The following CCNT2 variants were observed in gnomAD, a reference collection of about 807,000 sequenced individuals.
CCNT2 encodes the protein cyclin T2.
Under a neutral mutation model 70.0 loss-of-function variants are expected in CCNT2, and 18 were observed. The observed-to-expected ratio is 0.26, with a 90% CI of 0.18 to 0.38. The LOEUF (loss-of-function observed/expected upper bound fraction) is 0.38, where lower values mean the gene tolerates loss of function less well. Ranked by LOEUF, CCNT2 falls within the 10% of genes least tolerant of loss-of-function variation. The pLI is 1.00. For synonymous variants in CCNT2, 334 were observed against 313.3 expected (o/e 1.07, Z -0.70); for missense variants, 734 against 890.2 (o/e 0.82, Z 2.23).
chr2:134,954,474 A>T lies in CCNT2; in HGVS notation c.2019A>T (p.Thr673=). ...CCTTACCCCCTCCTCCCCCTGTCAC[A>T]TACCAGGTGGGCTACGGACATCTCA... ...NHPLPPPPPV[T]YQVGYGHLST... Residue 673 remains threonine (T), a synonymous_variant, in exon 9 of 9, where the codon ACA becomes ACT. Transcript: ENST00000264157. 6.2e-7 allele frequency: 1 copy of T among 1,614,120 alleles called. No individual in the cohort carries two copies. The highest frequency in any genetic ancestry group is 8.5e-7 in the Non-Finnish European group (1 of 1,180,010).
chr2:134,954,680 T>A lies in CCNT2; in HGVS notation c.*32T>A. 1 of 1,452,692 alleles carries A rather than the reference T, an allele frequency of 6.9e-7. No homozygotes were observed. The highest frequency in any genetic ancestry group is 9.5e-7 in the Non-Finnish European group (1 of 1,047,912). 90.0% of individuals were successfully genotyped at this position (1,452,692 alleles called of 1,614,324 possible). ...GTTTAGGTCAATTTTTCCTTTACTT[T>A]TTTAATTTAAAAATTGTTAGAATGG... is the stretch of plus-strand genomic sequence containing the variant. On this transcript the variant is annotated 3_prime_UTR_variant, in exon 9 of 9. Transcript: ENST00000264157.
At chr2:134,952,360 T>C (rs1326918672) in intron 7 of CCNT2, among the ~76,000 whole-genome samples, 1 of 102,574 alleles carries the variant, frequency 9.7e-6, no homozygotes, top group African/African-American at 4.3e-5. Context: ...TAATGAAGAT[T>C]TTTTTTTTAT....
rs1328873284 is a variant in CCNT2 at position 134,957,902 on chromosome 2, A to G, written c.*3254A>G. 1 of 152,168 alleles carries G rather than the reference A, an allele frequency of 6.6e-6. No homozygotes were observed. The highest frequency in any genetic ancestry group is 1.5e-5 in the Non-Finnish European group (1 of 68,022). 9.4% of individuals were successfully genotyped at this position (152,168 alleles called of 1,614,324 possible). On this transcript the variant is annotated 3_prime_UTR_variant, in exon 9 of 9. Coordinates refer to ENST00000264157, the MANE Select transcript of CCNT2 (RefSeq NM_058241.3). The stretch of plus-strand genomic sequence containing the variant: ...TAGCAACAGATTGTATTAATAATTA[A>G]TAGAATACCTAATTTTTTTGGCCTA...
At chr2:134,929,233 G>A (rs1016634460) in intron 2 of CCNT2, among the ~76,000 whole-genome samples, 18 of 152,258 alleles carry the variant, frequency 1.2e-4, no homozygotes, top group Non-Finnish European at 1.8e-4. Context: ...GATGCATATT[G>A]TTTATTAGTA....
intron 1 of CCNT2, 68 bp downstream of exon 1, chr2:134,919,080 G>C: frequency 6.7e-7 from 1 of 1,492,888 alleles, no homozygotes. Flanking sequence ...CTGGTGCCCC[G>C]CGAACATGGC....
At chr2:134,942,534 A>G (rs754143154) in intron 4 of CCNT2, 78 bp from the exon 5 acceptor site, 8 of 884,456 alleles carry the variant, frequency 9.0e-6, no homozygotes, top group Non-Finnish European at 1.4e-5. Flanking sequence ...AATGAAGAAT[A>G]TATTATACGT....
chr2:134,939,098 T>C, intron 4 of CCNT2, 36 bp downstream of exon 4: 1 of 1,316,856 alleles, frequency 7.6e-7, no homozygotes, highest in Non-Finnish European at 1.1e-6. Context: ...TTTTTGTGTG[T>C]ATTTCACTAA....
intron 1 of CCNT2, 55 bp from the exon 2 acceptor site, chr2:134,919,755 G>T: frequency 3.7e-6 from 5 of 1,350,616 alleles, no homozygotes; most frequent in Non-Finnish European, 5.2e-6. Context: ...CATCAAAATT[G>T]TTCTGGGAAT....
At chr2:134,941,278 G>A (rs887373863) in intron 4 of CCNT2, among the ~76,000 whole-genome samples, 5 of 152,150 alleles carry the variant, frequency 3.3e-5, no homozygotes, top group South Asian at 2.1e-4. Flanking sequence ...AGCCTACTCT[G>A]TATGGAGACC....
At chr2:134,927,801 G>A (rs1460741410) in intron 2 of CCNT2, among the ~76,000 whole-genome samples, 1 of 152,004 alleles carries the variant, frequency 6.6e-6, no homozygotes, top group Non-Finnish European at 1.5e-5. Flanking sequence ...AGGGATTAGG[G>A]GAAATGATGG....
rs1683012257 is a variant in CCNT2, at chr2:134,957,795, C to CT, written c.*3149dup. On this transcript the variant is annotated 3_prime_UTR_variant, in exon 9 of 9. Coordinates refer to ENST00000264157, the MANE Select transcript of CCNT2 (RefSeq NM_058241.3). ...GTTCAGATTCCTTCTGGTTAAAGTT[C>CT]TTATTCAGAGTCATCTAAAAGAAAT... 1 of 152,144 alleles carries CT rather than the reference C, an allele frequency of 6.6e-6. No individual in the cohort carries two copies. The highest frequency in any genetic ancestry group is 2.4e-5 in the African/African-American group (1 of 41,416). The allele number at this position is 152,144 out of a possible 1,614,324, so 9.4% of individuals were successfully genotyped here.
chr2:134,944,523 T>C, intron 5 of CCNT2: 1 of 966,538 alleles, frequency 1.0e-6, no homozygotes, highest in African/African-American at 1.8e-5. Flanking sequence ...GTCAGTTTAC[T>C]TGAAAAATGA....
chr2:134,947,231 T>TA (rs1375866694), intron 6 of CCNT2, among the ~76,000 whole-genome samples: 3 of 152,236 alleles, frequency 2.0e-5, no homozygotes, highest in East Asian at 3.8e-4. Flanking sequence ...TTTACATAGA[T>TA]ACGTGTTTAA....
chr2:134,939,488 C>T (rs546705915), intron 4 of CCNT2, among the ~76,000 whole-genome samples: 3 of 151,688 alleles, frequency 2.0e-5, no homozygotes, highest in South Asian at 2.1e-4. Flanking sequence ...ATTTTTAAGA[C>T]GGAGTCTCGC....
chr2:134,940,243 G>C (rs1012451663), intron 4 of CCNT2, among the ~76,000 whole-genome samples: 1 of 152,058 alleles, frequency 6.6e-6, no homozygotes, highest in Non-Finnish European at 1.5e-5. Context: ...CAAACAGCAC[G>C]GGTTTGAACT....
intron 2 of CCNT2, among the ~76,000 whole-genome samples, chr2:134,928,732 A>G (rs1168161780): frequency 2.0e-5 from 3 of 147,560 alleles, no homozygotes; most frequent in Admixed American, 6.8e-5. Context: ...TTAGAAGTTG[A>G]AAAAAAAAAA....
chr2:134,939,454 T>TTTTATTTA (rs1030830002), intron 4 of CCNT2, among the ~76,000 whole-genome samples: 6 of 151,682 alleles, frequency 4.0e-5, no homozygotes, highest in African/African-American at 1.5e-4. Context: ...ACCTTTTTTA[T>TTTTATTTA]TTTATTTATT....
intron 2 of CCNT2, among the ~76,000 whole-genome samples, chr2:134,923,141 T>A (rs1204368073): frequency 2.6e-5 from 4 of 151,912 alleles, no homozygotes; most frequent in African/African-American, 7.3e-5. Context: ...ATTAGCTGGG[T>A]GTGGTGGCAC....
intron 2 of CCNT2, among the ~76,000 whole-genome samples, chr2:134,928,704 C>T (rs1680494818): frequency 6.6e-6 from 1 of 151,704 alleles, no homozygotes; most frequent in Admixed American, 6.6e-5. Context: ...TCACACTAAT[C>T]TTAAACTGAG....
Sources: gnomAD v4.1 joint callset for allele counts (sites outside exome capture counted in the v4.1 genomes callset) on GRCh38, gnomAD v4.1.1 for gene constraint, MANE v1.5 for transcripts, NCBI Gene and HGNC (gene_info 2026-07-23, HGNC 2026-07-21) for gene names.